Variants in KRI1 observed in about 807,000 individuals in gnomAD.
The protein encoded by KRI1 is protein KRI1 homolog.
KRI1 carries 83 observed loss-of-function variants against 97.0 expected under a neutral mutation model. That is an observed-to-expected ratio of 0.86 (90% confidence interval 0.72 to 1.03). KRI1 has a LOEUF of 1.03. KRI1 is among the 50% of genes least tolerant of loss of function. The probability of loss-of-function intolerance (pLI) is 0.00; values close to 1 mark genes in which losing one functional copy is unlikely to be tolerated. For synonymous variants in KRI1, 371 were observed against 363.5 expected (o/e 1.02, Z -0.23); for missense variants, 916 against 928.4 (o/e 0.99, Z 0.17).
chr19:10,565,141 T>G, intron 2 of KRI1, 107 bp from the exon 3 acceptor site: 9 of 727,510 alleles, frequency 1.2e-5, no homozygotes, highest in South Asian at 1.5e-5. Flanking sequence ...GGGGTGGATC[T>G]GGCTGGGGAG....
intron 16 of KRI1, among the ~76,000 whole-genome samples, chr19:10,556,504 T>C (rs1217794672): frequency 6.6e-6 from 1 of 151,956 alleles, no homozygotes; most frequent in South Asian, 2.1e-4. Context: ...TTATCTCTAC[T>C]AAAAATACAA....
At chr19:10,557,358 C>T (rs1916532575) in intron 16 of KRI1, among the ~76,000 whole-genome samples, 194 bp downstream of exon 16, 1 of 152,058 alleles carries the variant, frequency 6.6e-6, no homozygotes, top group South Asian at 2.1e-4. Context: ...CCACTTGCCT[C>T]GGTCTCCCAA....
At position 10,553,651 on chromosome 19, in the gene KRI1, C is replaced by G. The variant is rs1012639315; in HGVS notation, c.*300G>C. ...AGTGCAGTGGTGCAATCATAGCTCT[C>G]TGTAGCCTCAAACTCATGGCCTTAA... is the stretch of plus-strand genomic sequence containing the variant. On this transcript the variant is annotated 3_prime_UTR_variant, in exon 19 of 19. Transcript: ENST00000312962. The G allele has an allele frequency of 5.5e-5, 17 of 306,550 alleles. No homozygotes were observed. The highest frequency in any genetic ancestry group is 9.6e-5 in the Non-Finnish European group (16 of 166,050). 19.0% of individuals were successfully genotyped at this position (306,550 alleles called of 1,614,324 possible). A position where few individuals can be genotyped will look rare whatever the true frequency, so the allele number is the denominator to read the frequency against.
rs781327917 is a variant in KRI1, at chr19:10,559,430, C to T, written c.1123G>A (p.Glu375Lys). ...LEKLRKVTGN[E>K]MLGLEEGDLE... is the part of the protein sequence containing the mutation. Reference sequence around the variant, plus strand: ...TCCCCCTCCTCGAGGCCCAGCATCTCGTTGCCTGTTACTTTCCGCAGCTTC... The same window carrying T: ...TCCCCCTCCTCGAGGCCCAGCATCTTGTTGCCTGTTACTTTCCGCAGCTTC... Residue 375 changes from glutamate (E) to lysine (K), a missense_variant, in exon 12 of 19, where the codon GAG becomes AAG. Physicochemically the swap from Glu to Lys is moderately conservative, Grantham distance 56. Coordinates refer to ENST00000312962, the MANE Select transcript of KRI1 (RefSeq NM_023008.5). 60 of 1,614,024 alleles carry T rather than the reference C, an allele frequency of 3.7e-5. No individual in the cohort carries two copies. The highest frequency in any genetic ancestry group is 4.7e-5 in the Non-Finnish European group (55 of 1,180,042).
chr19:10,560,562 T>A, intron 8 of KRI1, 114 bp from the exon 9 acceptor site: 1 of 757,514 alleles, frequency 1.3e-6, no homozygotes, highest in South Asian at 1.8e-5. Context: ...TTAGCCCCAT[T>A]TTGGTTTCTT....
Position 10,557,782 on chromosome 19 carries a change from G to C in KRI1, c.1473C>G (p.Pro491=). The part of the protein sequence containing the change: ...PFAAAVGQEK[P]VFEPGDKTFE... ...CCTGGGCCTCACCGGGTTCAAACAC[G>C]GGCTTCTCCTGCCCCACGGCCGCGG... Residue 491 remains proline (P), a synonymous_variant, in exon 15 of 19, where the codon CCC becomes CCG. Transcript: ENST00000312962. 2 of 1,613,194 alleles carry C rather than the reference G, an allele frequency of 1.2e-6. No homozygotes were observed. Among genetic ancestry groups the C allele is most frequent in the Non-Finnish European group, 1.7e-6 (2 of 1,179,736 alleles).
chr19:10,559,470 A>T lies in KRI1; in HGVS notation c.1083T>A (p.Ile361=). 1 of 1,613,776 alleles carries T rather than the reference A, an allele frequency of 6.2e-7. No individual in the cohort carries two copies. Among genetic ancestry groups the T allele is most frequent in the Non-Finnish European group, 8.5e-7 (1 of 1,179,972 alleles). Residue 361 remains isoleucine (I), a synonymous_variant, in exon 12 of 19, where the codon ATT becomes ATA. Coordinates refer to ENST00000312962, the MANE Select transcript of KRI1 (RefSeq NM_023008.5). Reference sequence around the variant, plus strand: ...TCCGCAGCTTCTCCAGCTTGGCCAGAATCTCCTTCCTCTTCAGGTTCTTCA... The same window carrying T: ...TCCGCAGCTTCTCCAGCTTGGCCAGTATCTCCTTCCTCTTCAGGTTCTTCA... ...KQLKNLKRKE[I]LAKLEKLRKV... is the part of the protein sequence containing the mutation.
At position 10,553,181 on chromosome 19, in the gene KRI1, C is replaced by T. The variant is rs1279301727; in HGVS notation, c.*770G>A. The T allele has an allele frequency of 4.5e-6, 6 of 1,318,932 alleles. No homozygotes were observed. In the Admixed American group the frequency reaches 7.7e-5, roughly 17 times the overall value. 81.7% of individuals were successfully genotyped at this position (1,318,932 alleles called of 1,614,324 possible). On this transcript the variant is annotated 3_prime_UTR_variant, in exon 19 of 19. Coordinates refer to ENST00000312962, the MANE Select transcript of KRI1 (RefSeq NM_023008.5). ...ATGGTACTTCCTGTTGTCAGCCCCT[C>T]AAGCCCAGCTGCAACCAGTCTGGGG... is the stretch of plus-strand genomic sequence containing the variant.
In KRI1 at chr19:10,553,779, A is replaced by G. The variant is rs1916396979; in HGVS notation, c.*172T>C. ...GCTAAGTTGCCCACGCTGGTCTCCAATTCCTGGGCTCAAGTGATCCTTTCA... is the reference window on the plus strand; with the variant it reads ...GCTAAGTTGCCCACGCTGGTCTCCAGTTCCTGGGCTCAAGTGATCCTTTCA... On this transcript the variant is annotated 3_prime_UTR_variant, in exon 19 of 19. Coordinates refer to ENST00000312962, the MANE Select transcript of KRI1 (RefSeq NM_023008.5). The G allele has an allele frequency of 1.6e-6, 1 of 611,876 alleles. No individual in the cohort carries two copies. The highest frequency in any genetic ancestry group is 2.7e-6 in the Non-Finnish European group (1 of 365,266). The allele number at this position is 611,876 out of a possible 1,614,324, so 37.9% of individuals were successfully genotyped here.
chr19:10,565,450 G>A (rs932729668), intron 2 of KRI1: 60 of 548,946 alleles, frequency 1.1e-4, no homozygotes, highest in Non-Finnish European at 1.2e-4. Context: ...GATGAAAGAG[G>A]AAAGGGGGGG....
In KRI1 at chr19:10,560,900, G is replaced by C. The variant is rs1326592280; in HGVS notation, c.663+103C>G. 3.4e-6 allele frequency: 3 copies of C among 873,340 alleles called. No individual in the cohort carries two copies. In the East Asian group the frequency reaches 7.4e-5, roughly 22 times the overall value. 54.1% of individuals were successfully genotyped at this position (873,340 alleles called of 1,614,324 possible). A position where few individuals can be genotyped will look rare whatever the true frequency, so the allele number is the denominator to read the frequency against. On this transcript the variant is annotated intron_variant, in intron 8 of 18. Coordinates refer to ENST00000312962, the MANE Select transcript of KRI1 (RefSeq NM_023008.5). ...AAAGAGATGTAGGAGCTGAGGCCCA[G>C]AGATGTACATATCCCATCTTCAGAG... is the stretch of plus-strand genomic sequence containing the variant.
intron 2 of KRI1, chr19:10,565,350 G>A: frequency 7.6e-6 from 4 of 527,420 alleles, no homozygotes; most frequent in Non-Finnish European, 6.7e-6. Context: ...GGGCCAGGCC[G>A]CACAGTGGGG....
Position 10,561,081 on chromosome 19 carries a change from C to T in KRI1, c.586-1G>A. The T allele has an allele frequency of 6.2e-7, 1 of 1,614,160 alleles. No homozygotes were observed. Among genetic ancestry groups the T allele is most frequent in the Non-Finnish European group, 8.5e-7 (1 of 1,180,008 alleles). ...CGATGTAGTCGGCCTCCTCCTGGGC[C>T]TGGGGGAAAGCTAGCACTGAGCATC... On this transcript the variant is annotated splice_acceptor_variant, in intron 7 of 18. Transcript: ENST00000312962. LOFTEE classifies it high-confidence loss of function.
In KRI1 at chr19:10,562,737, C is replaced by CT. The variant is rs762765953; in HGVS notation, c.374dup (p.Lys126GlufsTer7). The CT allele has an allele frequency of 6.3e-7, 1 of 1,594,694 alleles. No individual in the cohort carries two copies. The highest frequency in any genetic ancestry group is 1.1e-5 in the South Asian group (1 of 90,718). ...GTAGGCCTTCTCCATACCCTGCCTT[C>CT]TCCAAGATAACCTTCCTCTCGTAGT... On this transcript the variant is annotated frameshift_variant, in exon 4 of 19. Coordinates refer to ENST00000312962, the MANE Select transcript of KRI1 (RefSeq NM_023008.5). LOFTEE classifies it high-confidence loss of function.
chr19:10,564,866 C>A, intron 3 of KRI1, 63 bp downstream of exon 3: 8 of 1,043,250 alleles, frequency 7.7e-6, no homozygotes, highest in Non-Finnish European at 1.1e-5. Flanking sequence ...AATCCACAGT[C>A]AGGAAAGGAC....
In KRI1 at chr19:10,559,420, C is replaced by G. The variant is rs1286065852; in HGVS notation, c.1133G>C (p.Gly378Ala). 5 of 1,614,122 alleles carry G rather than the reference C, an allele frequency of 3.1e-6. No individual in the cohort carries two copies. The highest frequency in any genetic ancestry group is 4.2e-6 in the Non-Finnish European group (5 of 1,180,026). ...GTCTTCAAGGTCCCCCTCCTCGAGG[C>G]CCAGCATCTCGTTGCCTGTTACTTT... ...LRKVTGNEML[G>A]LEEGDLEDDF... The change falls in exon 12 of 19, where the codon GGC becomes GCC. Residue 378 changes from glycine to alanine, a missense_variant. By Grantham distance (60) the Gly-to-Ala change is moderately conservative. This residue lies in a region of KRI1 where 672 missense variants were observed against 667.2 expected (regional missense o/e 1.01). Coordinates refer to ENST00000312962, the MANE Select transcript of KRI1 (RefSeq NM_023008.5).
In KRI1 at chr19:10,565,969, G is replaced by A. The variant is rs1465673688; in HGVS notation, c.31C>T (p.Arg11Trp). Residue 11 changes from arginine to tryptophan, a missense_variant, in exon 1 of 19, where the codon CGG becomes TGG. Around this residue, in one of 3 missense-constraint regions of KRI1, gnomAD observed 173 missense variants for 153.1 expected, o/e 1.13. Transcript: ENST00000312962. MPEPRGSSQL[R>W]VNAAFAARYN... ...CGCGCGGCAAACGCCGCGTTCACCCGCAGCTGCGACGACCCGCGCGGTTCC... is the reference window on the plus strand; with the variant it reads ...CGCGCGGCAAACGCCGCGTTCACCCACAGCTGCGACGACCCGCGCGGTTCC... The A allele has an allele frequency of 2.9e-5, 44 of 1,526,160 alleles. 1 individual carries two copies. The highest frequency in any genetic ancestry group is 4.1e-4 in the Middle Eastern group (2 of 4,938). 94.5% of individuals were successfully genotyped at this position (1,526,160 alleles called of 1,614,324 possible).
intron 9 of KRI1, 30 bp from the exon 10 acceptor site, chr19:10,559,966 GGCCA>G (rs754486713): frequency 6.2e-7 from 1 of 1,604,116 alleles, no homozygotes; most frequent in Admixed American, 1.7e-5. Context: ...GATGCCAGGG[GGCCA>G]GCCAAGTGAG....
In KRI1 at chr19:10,553,857, G is replaced by T; in HGVS notation, c.*94C>A. Reference sequence around the variant, plus strand: ...CAGGCGTGCCTGGCCACAGATGAGAGGATCTCTGCAGCAGATAGTACTTGT... The same window carrying T: ...CAGGCGTGCCTGGCCACAGATGAGATGATCTCTGCAGCAGATAGTACTTGT... On this transcript the variant is annotated 3_prime_UTR_variant, in exon 19 of 19. Coordinates refer to ENST00000312962, the MANE Select transcript of KRI1 (RefSeq NM_023008.5). 11 of 1,073,692 alleles carry T rather than the reference G, an allele frequency of 1.0e-5. No homozygotes were observed. Among genetic ancestry groups the T allele is most frequent in the Non-Finnish European group, 1.4e-5 (11 of 770,318 alleles). The allele number at this position is 1,073,692 out of a possible 1,614,324, so 66.5% of individuals were successfully genotyped here. A position where few individuals can be genotyped will look rare whatever the true frequency, so the allele number is the denominator to read the frequency against.
Sources: gnomAD v4.1 joint callset for allele counts (sites outside exome capture counted in the v4.1 genomes callset) on GRCh38, gnomAD v4.1.1 for gene constraint, gnomAD v4.1.1 regional missense constraint, MANE v1.5 for transcripts, NCBI Gene and HGNC (gene_info 2026-07-23, HGNC 2026-07-21) for gene names.